The following SGK1 variants were observed in gnomAD, a reference collection of about 807,000 sequenced individuals.
SGK1 encodes serine/threonine-protein kinase Sgk1.
Under a neutral mutation model 64.2 loss-of-function variants are expected in SGK1, and 26 were observed. The ratio of observed to expected loss-of-function variants is 0.40; its 90% CI spans 0.30 to 0.56. SGK1 has a LOEUF of 0.56. Ranked by LOEUF, SGK1 falls within the 20% of genes least tolerant of loss-of-function variation. SGK1 has a pLI of 0.38. For synonymous variants in SGK1, 265 were observed against 239.7 expected (o/e 1.11, Z -0.98); for missense variants, 519 against 645.6 (o/e 0.80, Z 2.12).
At position 134,276,364 on chromosome 6, in the gene SGK1, G is replaced by A. The variant is rs184238132; in HGVS notation, c.70-14216C>T. On this transcript the variant is annotated intron_variant, in intron 1 of 13. Coordinates refer to ENST00000367858, the MANE Select transcript of SGK1 (RefSeq NM_001143676.3). ...CATCTCTGGGGAGAAGTAGGACCGG[G>A]CTGTGATGGGGATAGGTGAAATGCA... Among the ~76,000 whole-genome samples the A allele has an allele frequency of 2.8e-4, 43 of 152,296 alleles. No homozygotes were observed. In the East Asian group the frequency reaches 8.1e-3, roughly 29 times the overall value.
intron 1 of SGK1, among the ~76,000 whole-genome samples, chr6:134,285,054 G>T (rs1230477200): frequency 6.6e-6 from 1 of 152,204 alleles, no homozygotes; most frequent in East Asian, 1.9e-4. Context: ...TAGAGACCCA[G>T]TAGTGGGATT....
At chr6:134,201,065 C>CTT (rs71003673) in intron 3 of SGK1, among the ~76,000 whole-genome samples, 178 of 138,578 alleles carry the variant, frequency 1.3e-3, no homozygotes, top group African/African-American at 2.4e-3. Context: ...TTCTTTTCTT[C>CTT]TTTTTTTTTT....
intron 3 of SGK1, among the ~76,000 whole-genome samples, chr6:134,204,300 G>T (rs538226952): frequency 1.3e-5 from 2 of 151,512 alleles, no homozygotes; most frequent in Non-Finnish European, 2.9e-5. Flanking sequence ...TTTATGAGTT[G>T]GTTAAGTTGG....
At chr6:134,265,389 G>A (rs536127917) in intron 1 of SGK1, among the ~76,000 whole-genome samples, 6 of 151,896 alleles carry the variant, frequency 4.0e-5, no homozygotes, top group Admixed American at 2.0e-4. Flanking sequence ...GACCCCTGGA[G>A]GTGGAGGTTG....
At position 134,174,440 on chromosome 6, in the gene SGK1, C is replaced by T. The variant is rs531255920; in HGVS notation, c.437+71G>A. On this transcript the variant is annotated intron_variant, in intron 4 of 13. Transcript: ENST00000367858. ...AAGTCTTCGCCTTCCCGATAAACGC[C>T]GTGATGAGAATGTTTACCGCTGGCA... 4.5e-6 allele frequency: 5 copies of T among 1,103,030 alleles called. No homozygotes were observed. The Admixed American group carries it at 5.7e-5, about 12-fold the overall frequency. 68.3% of individuals were successfully genotyped at this position (1,103,030 alleles called of 1,614,324 possible).
intron 3 of SGK1, among the ~76,000 whole-genome samples, chr6:134,188,912 T>C (rs891105246): frequency 2.5e-4 from 36 of 143,306 alleles, no homozygotes; most frequent in East Asian, 1.6e-3. Flanking sequence ...CTTTTTCTTT[T>C]TTTTTTTTTT....
chr6:134,246,996 G>A (rs1387596387), intron 2 of SGK1, among the ~76,000 whole-genome samples: 12 of 151,940 alleles, frequency 7.9e-5, no homozygotes, highest in Non-Finnish European at 8.8e-5. Flanking sequence ...TGCATAGTAG[G>A]GCCAGTGATT....
chr6:134,177,321 G>A (rs1471111585), intron 3 of SGK1, among the ~76,000 whole-genome samples: 3 of 152,206 alleles, frequency 2.0e-5, no homozygotes, highest in Non-Finnish European at 4.4e-5. Flanking sequence ...TCAAATCACA[G>A]TAACTGGCCC....
At chr6:134,229,073 C>T (rs1010131362) in intron 2 of SGK1, among the ~76,000 whole-genome samples, 2 of 152,308 alleles carry the variant, frequency 1.3e-5, no homozygotes, top group Admixed American at 6.5e-5. Flanking sequence ...CCTCGTGATC[C>T]GCCCGCCTTG....
At chr6:134,285,383 A>C (rs9483673) in intron 1 of SGK1, among the ~76,000 whole-genome samples, 35,045 of 151,332 alleles carry the variant, frequency 0.23, 4,413 homozygotes, top group African/African-American at 0.3. Context: ...GAGGCTGAGG[A>C]AGGAAAATCA....
At chr6:134,261,383 C>A in intron 2 of SGK1, 1 of 165,082 alleles carries the variant, frequency 6.1e-6, no homozygotes, top group South Asian at 1.8e-4. Flanking sequence ...CTTGGACCCA[C>A]GTAAAACATT....
chr6:134,225,604 G>A (rs2114706960), intron 2 of SGK1, among the ~76,000 whole-genome samples: 1 of 152,212 alleles, frequency 6.6e-6, no homozygotes, highest in South Asian at 2.1e-4. Context: ...TTTTAATGGA[G>A]TATTTACAAT....
intron 2 of SGK1, among the ~76,000 whole-genome samples, chr6:134,253,437 C>CTCAG (rs1481215983): frequency 6.6e-6 from 1 of 151,932 alleles, no homozygotes; most frequent in Non-Finnish European, 1.5e-5. Context: ...CCCAGCTGAG[C>CTCAG]TCAGGAGTTC....
rs569421465 is a variant in SGK1, at chr6:134,191,520, G to A, written c.361+15836C>T. ...ACACATTCTCAAGGCGGGTACTACA[G>A]TGGTGCTAAGGACATACCTATCAGC... On this transcript the variant is annotated intron_variant, in intron 3 of 13. Coordinates refer to ENST00000367858, the MANE Select transcript of SGK1 (RefSeq NM_001143676.3). Among the ~76,000 whole-genome samples, 14 of 152,294 alleles carry A rather than the reference G, an allele frequency of 9.2e-5. 1 individual carries two copies. The highest frequency in any genetic ancestry group is 3.4e-4 in the African/African-American group (14 of 41,568).
chr6:134,306,194 G>A (rs1440107399), intron 1 of SGK1, among the ~76,000 whole-genome samples: 1 of 152,142 alleles, frequency 6.6e-6, no homozygotes, highest in African/African-American at 2.4e-5. Flanking sequence ...AGGCCGAGGT[G>A]GGTGGATCAC....
intron 3 of SGK1, 108 bp downstream of exon 3, chr6:134,207,248 C>A: frequency 1.3e-6 from 1 of 754,370 alleles, no homozygotes; most frequent in Non-Finnish European, 2.2e-6. Flanking sequence ...AAACAAAAAA[C>A]AAACAAACAA....
At chr6:134,184,879 C>T (rs1003741924) in intron 3 of SGK1, among the ~76,000 whole-genome samples, 4 of 152,118 alleles carry the variant, frequency 2.6e-5, no homozygotes, top group Non-Finnish European at 5.9e-5. Flanking sequence ...GAGATGAGGT[C>T]TTGCGGTGTT....
At chr6:134,304,132 A>G (rs9483675) in intron 1 of SGK1, among the ~76,000 whole-genome samples, 121 of 152,302 alleles carry the variant, frequency 7.9e-4, no homozygotes, top group African/African-American at 2.8e-3. Context: ...GACACCAAAC[A>G]AGAAGCTTTC....
chr6:134,303,433 A>T (rs973756437), intron 1 of SGK1, among the ~76,000 whole-genome samples: 1 of 151,992 alleles, frequency 6.6e-6, no homozygotes, highest in African/African-American at 2.4e-5. Context: ...GGCTTAGAAT[A>T]TTAAATGCCT....
Sources: gnomAD v4.1 joint callset for allele counts (sites outside exome capture counted in the v4.1 genomes callset) on GRCh38, gnomAD v4.1.1 for gene constraint, MANE v1.5 for transcripts, NCBI Gene and HGNC (gene_info 2026-07-23, HGNC 2026-07-21) for gene names.